The following PRKG1 variants were observed in gnomAD, a reference collection of about 807,000 sequenced individuals.
PRKG1 encodes cGMP-dependent protein kinase 1.
In PRKG1, 35 loss-of-function variants were observed where a neutral mutation model predicts 88.1. The observed-to-expected ratio is 0.40, with a 90% CI of 0.30 to 0.53. The LOEUF is 0.53. Among genes scored for constraint, PRKG1 ranks in the 20% least tolerant of loss-of-function variants. The pLI is 0.59. For missense variants in PRKG1, 540 were observed against 839.8 expected, an observed-to-expected ratio of 0.64 and a Z score of 4.41; for synonymous variants, 303 against 292.5, an observed-to-expected ratio of 1.04 and a Z score of -0.37.
chr10:52,037,907 A>G (rs11000540), intron 5 of PRKG1, among the ~76,000 whole-genome samples: 22,718 of 151,366 alleles, frequency 0.15, 1,746 homozygotes, highest in East Asian at 0.27. Context: ...CTGAGGGGAC[A>G]GGCGGGAGGG....
intron 2 of PRKG1, among the ~76,000 whole-genome samples, chr10:51,364,214 ACT>A (rs1842543996): frequency 6.6e-6 from 1 of 151,830 alleles, no homozygotes; most frequent in African/African-American, 2.4e-5. Flanking sequence ...CTGGATCTTC[ACT>A]CTATCCACTC....
chr10:51,234,336 T>G (rs924292341), intron 2 of PRKG1, among the ~76,000 whole-genome samples: 1 of 152,210 alleles, frequency 6.6e-6, no homozygotes, highest in Non-Finnish European at 1.5e-5. Context: ...GATGAGCTAG[T>G]CTTTTCTGCC....
At chr10:52,138,334 A>C (rs1198427119) in intron 8 of PRKG1, among the ~76,000 whole-genome samples, 1 of 151,866 alleles carries the variant, frequency 6.6e-6, no homozygotes, top group Non-Finnish European at 1.5e-5. Flanking sequence ...CTTTCCTTTC[A>C]CCTCTGATAA....
intron 2 of PRKG1, among the ~76,000 whole-genome samples, chr10:51,233,341 T>A (rs1370444894): frequency 6.6e-6 from 1 of 152,192 alleles, no homozygotes; most frequent in African/African-American, 2.4e-5. Flanking sequence ...TATAATCCTG[T>A]GTGCATAACT....
chr10:51,043,557 G>A (rs980438225), intron 1 of PRKG1, among the ~76,000 whole-genome samples: 1 of 152,008 alleles, frequency 6.6e-6, no homozygotes, highest in Non-Finnish European at 1.5e-5. Flanking sequence ...TCTAGTAATG[G>A]TCTGTCTCCT....
At chr10:51,020,473 A>G (rs1843120797) in intron 1 of PRKG1, among the ~76,000 whole-genome samples, 1 of 152,246 alleles carries the variant, frequency 6.6e-6, no homozygotes, top group Admixed American at 6.5e-5. Flanking sequence ...AATGAACAAA[A>G]TAGACAAAAA....
intron 5 of PRKG1, among the ~76,000 whole-genome samples, chr10:51,982,582 C>T (rs866769725): frequency 3.3e-5 from 5 of 152,294 alleles, no homozygotes; most frequent in Middle Eastern, 6.8e-3. Flanking sequence ...AGGGGACAAA[C>T]ACTCAGCTCC....
intron 4 of PRKG1, among the ~76,000 whole-genome samples, chr10:51,860,508 C>T (rs1840845981): frequency 6.6e-6 from 1 of 152,160 alleles, no homozygotes; most frequent in Non-Finnish European, 1.5e-5. Context: ...TACCCAGTTT[C>T]CAAACAGGGT....
intron 9 of PRKG1, among the ~76,000 whole-genome samples, chr10:52,171,785 A>ATTTTTTTTTTTTTTTTTTTTTTTTTTTTT (rs1358641112): frequency 8.2e-6 from 1 of 122,642 alleles, no homozygotes; most frequent in Non-Finnish European, 1.6e-5. Flanking sequence ...CTTTTATCAA[A>ATTTTTTTTTTTTTTTTTTTTTTTTTTTTT]ATTTTTTTTT....
intron 3 of PRKG1, among the ~76,000 whole-genome samples, chr10:51,613,910 A>G (rs1838977435): frequency 6.6e-6 from 1 of 151,950 alleles, no homozygotes; most frequent in African/African-American, 2.4e-5. Flanking sequence ...TTGGCCTAAC[A>G]TATGGTCTAT....
At chr10:51,875,385 A>G (rs981989201) in intron 4 of PRKG1, among the ~76,000 whole-genome samples, 2 of 143,664 alleles carry the variant, frequency 1.4e-5, no homozygotes, top group Non-Finnish European at 3.0e-5. Context: ...TAATTGTTTT[A>G]AAAAAAAAAC....
At chr10:51,464,074 G>C (rs182355550) in intron 2 of PRKG1, among the ~76,000 whole-genome samples, 1 of 151,432 alleles carries the variant, frequency 6.6e-6, no homozygotes, top group South Asian at 2.1e-4. Flanking sequence ...GATCGAGACC[G>C]TCTTGGCCAA....
intron 2 of PRKG1, among the ~76,000 whole-genome samples, chr10:51,322,472 G>A (rs1038549322): frequency 6.6e-6 from 1 of 152,078 alleles, no homozygotes; most frequent in African/African-American, 2.4e-5. Context: ...GCTTCCCTGG[G>A]CAATTGTGAG....
Position 51,889,701 on chromosome 10 carries a change from A to C in PRKG1, c.699-17806A>C, listed in dbSNP as rs1452303330. Among the ~76,000 whole-genome samples, 11 of 152,302 alleles carry C rather than the reference A, an allele frequency of 7.2e-5. No individual in the cohort carries two copies. The East Asian group carries it at 1.9e-3, about 27-fold the overall frequency. Reference sequence around the variant, plus strand: ...AGTGTAAAAGTATTCCTATTTCTCCACATCCTCTCCAGCACCTGTTGTTTC... The same window carrying C: ...AGTGTAAAAGTATTCCTATTTCTCCCCATCCTCTCCAGCACCTGTTGTTTC... On this transcript the variant is annotated intron_variant, in intron 4 of 17. Transcript: ENST00000373980.
At chr10:51,749,419 G>A (rs1440310412) in intron 3 of PRKG1, among the ~76,000 whole-genome samples, 2 of 152,106 alleles carry the variant, frequency 1.3e-5, no homozygotes, top group African/African-American at 4.8e-5. Flanking sequence ...CTTCTCGTTG[G>A]ATGCTCACAC....
intron 3 of PRKG1, among the ~76,000 whole-genome samples, chr10:51,527,744 G>A (rs1841918403): frequency 6.6e-6 from 1 of 152,172 alleles, no homozygotes; most frequent in Admixed American, 6.6e-5. Context: ...AGCAAAGATA[G>A]CAGTAGAGTT....
chr10:51,343,951 C>T (rs1842057117), intron 2 of PRKG1, among the ~76,000 whole-genome samples: 1 of 152,114 alleles, frequency 6.6e-6, no homozygotes, highest in Admixed American at 6.6e-5. Context: ...AAGGAAAAGC[C>T]TAGATAATGT....
At chr10:52,272,347 G>T (rs1841750752) in intron 11 of PRKG1, 45 bp from the exon 12 acceptor site, 2 of 1,446,650 alleles carry the variant, frequency 1.4e-6, no homozygotes, top group Admixed American at 2.0e-5. Flanking sequence ...ACTTGTAAAA[G>T]ACAGTAATGT....
rs1388122468 is a variant in PRKG1, at chr10:51,599,713, T to A, written c.592+131877T>A. 5.9e-5 allele frequency among the ~76,000 whole-genome samples: 9 copies of A among 152,324 alleles called. No individual in the cohort carries two copies. The South Asian group carries it at 1.9e-3, about 32-fold the overall frequency. On this transcript the variant is annotated intron_variant, in intron 3 of 17. Coordinates refer to ENST00000373980, the MANE Select transcript of PRKG1 (RefSeq NM_006258.4). ...AAGATATATTTTTATATTAGTCTTT[T>A]ACCATTATAACCTTCCGGCTATTTT... is the stretch of plus-strand genomic sequence containing the variant.
Sources: allele counts gnomAD v4.1 joint callset (sites outside exome capture counted in the v4.1 genomes callset), GRCh38; gene constraint gnomAD v4.1.1; transcripts MANE v1.5; gene names NCBI Gene and HGNC (gene_info 2026-07-23, HGNC 2026-07-21).